Variants in MRTFA observed in about 807,000 individuals in gnomAD.
MRTFA encodes the protein myocardin related transcription factor A, also known as myocardin-related transcription factor A.
MRTFA carries 20 observed loss-of-function variants against 83.5 expected under a neutral mutation model. The observed-to-expected ratio is 0.24, with a 90% CI of 0.17 to 0.35. The LOEUF (loss-of-function observed/expected upper bound fraction) is 0.35, where lower values mean the gene tolerates loss of function less well. MRTFA is among the 10% of genes least tolerant of loss of function. The pLI is 1.00. For synonymous variants in MRTFA, 659 were observed against 541.2 expected (o/e 1.22, Z -3.02); for missense variants, 1,200 against 1,224.7 (o/e 0.98, Z 0.30).
chr22:40,529,366 G>C (rs527551239), intron 3 of MRTFA, among the ~76,000 whole-genome samples: 1 of 152,106 alleles, frequency 6.6e-6, no homozygotes, highest in African/African-American at 2.4e-5. Flanking sequence ...GCCCTGGCTG[G>C]AGTGCAGTGG....
At chr22:40,615,686 C>CTTTTTTTTTTTTTTTT (rs59431175) in intron 1 of MRTFA, among the ~76,000 whole-genome samples, 2 of 142,328 alleles carry the variant, frequency 1.4e-5, no homozygotes, top group South Asian at 2.2e-4. Context: ...ATTTTCTTTT[C>CTTTTTTTTTTTTTTTT]TTTTTTTTTT....
At chr22:40,461,868 C>A (rs1414726863) in intron 4 of MRTFA, among the ~76,000 whole-genome samples, 1 of 152,160 alleles carries the variant, frequency 6.6e-6, no homozygotes, top group Non-Finnish European at 1.5e-5. Context: ...TGGCTCTAGC[C>A]CTGCCCACCT....
rs1555991869 is a variant in MRTFA at position 40,519,017 on chromosome 22, G to GA, written c.241+33088_241+33089insT. On this transcript the variant is annotated intron_variant, in intron 3 of 14. Coordinates refer to ENST00000355630, the MANE Select transcript of MRTFA (RefSeq NM_020831.6). ...TGGTGGTGGTGGTTTTGTTTTTGGGGTTTTTTTTTTTTGAAGCAGGGTCTC... is the reference window on the plus strand; with the variant it reads ...TGGTGGTGGTGGTTTTGTTTTTGGGGATTTTTTTTTTTTGAAGCAGGGTCTC... 5.6e-5 allele frequency among the ~76,000 whole-genome samples: 8 copies of GA among 141,740 alleles called. No individual in the cohort carries two copies. The South Asian group carries it at 1.4e-3, about 24-fold the overall frequency. 93.0% of individuals were successfully genotyped at this position (141,740 alleles called of 152,430 possible). A position where few individuals can be genotyped will look rare whatever the true frequency, so the allele number is the denominator to read the frequency against.
chr22:40,511,600 G>C (rs1305590172), intron 3 of MRTFA, among the ~76,000 whole-genome samples: 3 of 152,138 alleles, frequency 2.0e-5, no homozygotes, highest in Non-Finnish European at 4.4e-5. Context: ...TCTGTTCCCT[G>C]GCATCTAGTT....
chr22:40,490,868 A>G (rs539307197), intron 3 of MRTFA, among the ~76,000 whole-genome samples: 159 of 152,352 alleles, frequency 1.0e-3, no homozygotes, highest in African/African-American at 3.7e-3. Flanking sequence ...TAGGAGAAGA[A>G]AATATTGACA....
chr22:40,616,435 G>A (rs968663056), intron 1 of MRTFA, among the ~76,000 whole-genome samples: 2 of 152,144 alleles, frequency 1.3e-5, no homozygotes, highest in Admixed American at 6.6e-5. Flanking sequence ...AGAGAATGAC[G>A]GACGGAAGAA....
chr22:40,559,632 CCTGGCCTCAAGCGATCGCCCTACA>C (rs1055240862), intron 2 of MRTFA, among the ~76,000 whole-genome samples: 15 of 152,180 alleles, frequency 9.9e-5, no homozygotes, highest in African/African-American at 2.9e-4. Context: ...GTCTCGAACT[CCTGGCCTCAAGCGATCGCCCTACA>C]CTGGCCTCTC....
At chr22:40,595,018 T>C (rs1252109119) in intron 1 of MRTFA, among the ~76,000 whole-genome samples, 1 of 151,924 alleles carries the variant, frequency 6.6e-6, no homozygotes, top group African/African-American at 2.4e-5. Context: ...AACAACTCTA[T>C]GAGACAAGTG....
At chr22:40,533,940 C>T (rs1268724009) in intron 3 of MRTFA, 1 of 280,000 alleles carries the variant, frequency 3.6e-6, no homozygotes, top group Non-Finnish European at 6.7e-6. Context: ...AGGGGAGAGA[C>T]ATATATAAAG....
At chr22:40,468,061 A>G (rs2053837820) in intron 3 of MRTFA, among the ~76,000 whole-genome samples, 1 of 152,224 alleles carries the variant, frequency 6.6e-6, no homozygotes, top group Non-Finnish European at 1.5e-5. Context: ...TGCCTCAAAC[A>G]AAGGCATCAA....
At chr22:40,467,462 A>T (rs2053828956) in intron 3 of MRTFA, among the ~76,000 whole-genome samples, 2 of 152,210 alleles carry the variant, frequency 1.3e-5, no homozygotes, top group Non-Finnish European at 2.9e-5. Context: ...CTTAATTCTA[A>T]GCATTCTAAA....
At chr22:40,464,926 C>T (rs1432421362) in intron 3 of MRTFA, among the ~76,000 whole-genome samples, 2 of 152,168 alleles carry the variant, frequency 1.3e-5, no homozygotes, top group African/African-American at 2.4e-5. Context: ...TTTTACCCTG[C>T]CATGTTTTCC....
At chr22:40,548,308 G>A (rs529015551) in intron 3 of MRTFA, among the ~76,000 whole-genome samples, 3 of 126,554 alleles carry the variant, frequency 2.4e-5, no homozygotes, top group Non-Finnish European at 4.7e-5. Context: ...GCCGTGAGCC[G>A]AGATCACGCC....
chr22:40,572,136 TAA>T (rs1267001216), intron 2 of MRTFA, among the ~76,000 whole-genome samples: 2 of 152,104 alleles, frequency 1.3e-5, no homozygotes, highest in African/African-American at 2.4e-5. Flanking sequence ...CCCATTCATA[TAA>T]AGTCTAGAAT....
chr22:40,419,188 G>A lies in MRTFA; in HGVS notation c.1550C>T (p.Thr517Met), dbSNP rs373098603. The change falls in exon 12 of 15, where the codon ACG (threonine) becomes ATG (methionine). Residue 517 changes from threonine to methionine, a missense_variant. Thr to Met is a moderately conservative substitution (Grantham distance 81). Coordinates refer to ENST00000355630, the MANE Select transcript of MRTFA (RefSeq NM_020831.6). ...GCCTGCTGCCACCAGGGCTGGCCCC[G>A]TGCTCAGCCGGGCCGCTGGGAAGGC... is the stretch of plus-strand genomic sequence containing the variant. 8.0e-5 allele frequency: 127 copies of A among 1,588,292 alleles called. No individual in the cohort carries two copies. The highest frequency in any genetic ancestry group is 1.2e-4 in the East Asian group (5 of 43,198).
chr22:40,633,172 T>G (rs1335525974), intron 1 of MRTFA, among the ~76,000 whole-genome samples: 1 of 152,226 alleles, frequency 6.6e-6, no homozygotes, highest in Non-Finnish European at 1.5e-5. Flanking sequence ...AAGAAATGTT[T>G]CTTATGTTTG....
At chr22:40,449,092 C>T (rs1238254394) in intron 4 of MRTFA, among the ~76,000 whole-genome samples, 2 of 151,900 alleles carry the variant, frequency 1.3e-5, no homozygotes, top group African/African-American at 2.4e-5. Context: ...AGTGAAACCC[C>T]GTCTCTACTA....
intron 3 of MRTFA, among the ~76,000 whole-genome samples, chr22:40,517,700 A>G (rs2054784543): frequency 1.3e-5 from 2 of 152,202 alleles, no homozygotes; most frequent in African/African-American, 4.8e-5. Context: ...TTTCCTAAGA[A>G]TAACAAAGGT....
At chr22:40,546,543 A>C (rs987577625) in intron 3 of MRTFA, among the ~76,000 whole-genome samples, 4 of 152,244 alleles carry the variant, frequency 2.6e-5, no homozygotes, top group African/African-American at 9.6e-5. Context: ...AAAAGAACAC[A>C]AATTACTGTG....
Sources: allele counts gnomAD v4.1 joint callset (sites outside exome capture counted in the v4.1 genomes callset), GRCh38; gene constraint gnomAD v4.1.1; transcripts MANE v1.5; gene names NCBI Gene and HGNC (gene_info 2026-07-23, HGNC 2026-07-21).